Variants in FAXC observed in about 807,000 individuals in gnomAD.
The protein encoded by FAXC is failed axon connections homolog.
A neutral mutation model predicts 41.9 loss-of-function variants in FAXC; 10 were observed. The ratio of observed to expected loss-of-function variants is 0.24; its 90% CI spans 0.15 to 0.41. FAXC has a LOEUF of 0.41. Among genes scored for constraint, FAXC ranks in the 10% least tolerant of loss-of-function variants. The pLI is 1.00. For missense variants in FAXC, 399 were observed against 510.9 expected (o/e 0.78, Z 2.11); for synonymous variants, 183 against 183.8 (o/e 1.00, Z 0.03).
At position 99,278,606 on chromosome 6, in the gene FAXC, C is replaced by T. The variant is rs1263702467; in HGVS notation, c.*2558G>A. The T allele has an allele frequency of 6.6e-6, 1 of 152,190 alleles. No individual in the cohort carries two copies. The highest frequency in any genetic ancestry group is 2.4e-5 in the African/African-American group (1 of 41,448). The allele number at this position is 152,190 out of a possible 1,614,324, so 9.4% of individuals were successfully genotyped here. ...AAAATTAAATCCTTCCGGATAAAGA[C>T]TCACACTATGGTGACTTTGTCTTGG... On this transcript the variant is annotated 3_prime_UTR_variant, in exon 6 of 6. Transcript: ENST00000389677.
intron 4 of FAXC, among the ~76,000 whole-genome samples, chr6:99,299,140 G>C (rs1771607517): frequency 6.6e-6 from 1 of 152,102 alleles, no homozygotes; most frequent in South Asian, 2.1e-4. Flanking sequence ...TACTTCTAAG[G>C]AAAAACTGAT....
At chr6:99,293,478 G>A (rs904756806) in intron 4 of FAXC, among the ~76,000 whole-genome samples, 12 of 152,174 alleles carry the variant, frequency 7.9e-5, no homozygotes, top group Admixed American at 1.3e-4. Flanking sequence ...ATACAGTCCT[G>A]TGTTTACATC....
chr6:99,276,263 G>A lies in FAXC; in HGVS notation c.*4901C>T, dbSNP rs763732335. The A allele has an allele frequency of 6.6e-6, 1 of 151,994 alleles. No individual in the cohort carries two copies. Among genetic ancestry groups the A allele is most frequent in the Non-Finnish European group, 1.5e-5 (1 of 68,000 alleles). 9.4% of individuals were successfully genotyped at this position (151,994 alleles called of 1,614,324 possible). On this transcript the variant is annotated 3_prime_UTR_variant, in exon 6 of 6. Coordinates refer to ENST00000389677, the MANE Select transcript of FAXC (RefSeq NM_032511.4). ...CTCAACAATTGTTCTATGAATGAAT[G>A]AATAAATGAATACAGGAAAACCTGA...
intron 4 of FAXC, among the ~76,000 whole-genome samples, chr6:99,295,292 C>A (rs1402449282): frequency 1.3e-5 from 2 of 152,142 alleles, no homozygotes; most frequent in African/African-American, 2.4e-5. Context: ...CCTCATAATA[C>A]CTGATGGCAG....
Position 99,280,888 on chromosome 6 carries a change from A to G in FAXC, c.*276T>C, listed in dbSNP as rs1456890213. 6.1e-6 allele frequency: 2 copies of G among 330,306 alleles called. No homozygotes were observed. Among genetic ancestry groups the G allele is most frequent in the Non-Finnish European group, 1.1e-5 (2 of 176,412 alleles). The allele number at this position is 330,306 out of a possible 1,614,324, so 20.5% of individuals were successfully genotyped here. On this transcript the variant is annotated 3_prime_UTR_variant, in exon 6 of 6. Coordinates refer to ENST00000389677, the MANE Select transcript of FAXC (RefSeq NM_032511.4). ...AACCAGCTCTTACACCTGCTCTACC[A>G]CACAATATTATTAATAGTTTTCTAA...
chr6:99,328,613 C>G (rs1772911596), intron 3 of FAXC, among the ~76,000 whole-genome samples: 1 of 152,244 alleles, frequency 6.6e-6, no homozygotes, highest in Non-Finnish European at 1.5e-5. Flanking sequence ...GTTGCTCCCT[C>G]TGCCTAGACA....
At chr6:99,344,912 C>T (rs2128465959) in intron 1 of FAXC, among the ~76,000 whole-genome samples, 1 of 152,202 alleles carries the variant, frequency 6.6e-6, no homozygotes, top group East Asian at 1.9e-4. Flanking sequence ...AGAATGGAGG[C>T]TAATTATCTA....
intron 4 of FAXC, among the ~76,000 whole-genome samples, chr6:99,318,268 C>A (rs972183776): frequency 8.1e-5 from 9 of 111,720 alleles, no homozygotes; most frequent in African/African-American, 3.8e-4. Flanking sequence ...CAAACACACA[C>A]ACACACACAC....
chr6:99,292,911 A>G (rs941021957), intron 4 of FAXC, among the ~76,000 whole-genome samples: 3 of 152,076 alleles, frequency 2.0e-5, no homozygotes, highest in African/African-American at 7.2e-5. Flanking sequence ...GGTTCAAGTG[A>G]GTCTCCTGCC....
At chr6:99,321,374 C>A (rs1040295641) in intron 4 of FAXC, among the ~76,000 whole-genome samples, 1 of 152,148 alleles carries the variant, frequency 6.6e-6, no homozygotes, top group Non-Finnish European at 1.5e-5. Flanking sequence ...CAAAAATGAG[C>A]CACATCCGTG....
chr6:99,293,692 G>C (rs867112053), intron 4 of FAXC, among the ~76,000 whole-genome samples: 12 of 138,960 alleles, frequency 8.6e-5, no homozygotes, highest in South Asian at 7.6e-4. Context: ...GTGTGTGTGT[G>C]TGTGTGTGTG....
chr6:99,287,470 A>G (rs1771068972), intron 5 of FAXC, among the ~76,000 whole-genome samples: 1 of 152,196 alleles, frequency 6.6e-6, no homozygotes, highest in Admixed American at 6.5e-5. Flanking sequence ...ATGCATACAT[A>G]TGTATATTCA....
chr6:99,327,164 T>C (rs1382486316), intron 3 of FAXC, among the ~76,000 whole-genome samples: 4 of 152,172 alleles, frequency 2.6e-5, no homozygotes, highest in African/African-American at 9.7e-5. Flanking sequence ...TATCGACCAG[T>C]GTCAGGGAAG....
chr6:99,342,308 G>C (rs1773455291), intron 2 of FAXC, among the ~76,000 whole-genome samples: 2 of 152,000 alleles, frequency 1.3e-5, no homozygotes, highest in Non-Finnish European at 2.9e-5. Flanking sequence ...TCTTTGTCAA[G>C]GCTCAGTAGG....
intron 4 of FAXC, among the ~76,000 whole-genome samples, chr6:99,311,262 T>C (rs919465108): frequency 1.3e-5 from 2 of 152,186 alleles, no homozygotes; most frequent in Non-Finnish European, 2.9e-5. Context: ...ATGACTCTAC[T>C]CTTCTCCCCA....
chr6:99,318,572 TAA>T lies in FAXC; in HGVS notation c.823+4870_823+4871del, dbSNP rs1772464434. ...AAAATCAGAAAAATGATTTTTGTTA[TAA>T]AGACATTTTTCCCAGAAAACAATGT... On this transcript the variant is annotated intron_variant, in intron 4 of 5. Coordinates refer to ENST00000389677, the MANE Select transcript of FAXC (RefSeq NM_032511.4). 2.6e-5 allele frequency among the ~76,000 whole-genome samples: 4 copies of T among 152,348 alleles called. No homozygotes were observed. The South Asian group carries it at 8.3e-4, about 32-fold the overall frequency.
At chr6:99,345,229 T>C (rs768380294) in intron 1 of FAXC, among the ~76,000 whole-genome samples, 20 of 152,210 alleles carry the variant, frequency 1.3e-4, no homozygotes, top group Non-Finnish European at 2.1e-4. Flanking sequence ...GCCTGAAACT[T>C]TCTGATAAAA....
chr6:99,349,120 G>A lies in FAXC; in HGVS notation c.253C>T (p.Leu85Phe), dbSNP rs768296775. Residue 85 changes from leucine to phenylalanine, a missense_variant, in exon 1 of 6, where the codon CTC (leucine) becomes TTC (phenylalanine). By Grantham distance (22) the Leu-to-Phe change is conservative. This residue lies in a region of FAXC where 239 missense variants were observed against 352.7 expected (regional missense o/e 0.68). Coordinates refer to ENST00000389677, the MANE Select transcript of FAXC (RefSeq NM_032511.4). ...TCTCCGGCTCACCTAATGACCAGGAGTTCGTGGAGCAGATACGCAGCTGCG... is the reference window on the plus strand; with the variant it reads ...TCTCCGGCTCACCTAATGACCAGGAATTCGTGGAGCAGATACGCAGCTGCG... ...LAAAAYLLHE[L>F]LVIRKQQEID... The A allele has an allele frequency of 1.9e-6, 3 of 1,613,592 alleles. No individual in the cohort carries two copies. Among genetic ancestry groups the A allele is most frequent in the South Asian group, 2.2e-5 (2 of 91,090 alleles).
chr6:99,344,536 A>C, intron 1 of FAXC, among the ~76,000 whole-genome samples: 1 of 152,082 alleles, frequency 6.6e-6, no homozygotes, highest in Admixed American at 6.5e-5. Flanking sequence ...TTTACCACCC[A>C]AGGGCCCACT....
Sources: gnomAD v4.1 joint callset for allele counts (sites outside exome capture counted in the v4.1 genomes callset) on GRCh38, gnomAD v4.1.1 for gene constraint, gnomAD v4.1.1 regional missense constraint, MANE v1.5 for transcripts, NCBI Gene and HGNC (gene_info 2026-07-23, HGNC 2026-07-21) for gene names.